Variants in RFWD3 observed in about 807,000 individuals in gnomAD.
RFWD3 encodes the protein ring finger and WD repeat domain 3, also known as E3 ubiquitin-protein ligase RFWD3.
RFWD3 carries 65 observed loss-of-function variants against 87.7 expected under a neutral mutation model. The observed-to-expected ratio is 0.74, with a 90% CI of 0.61 to 0.91. The LOEUF (loss-of-function observed/expected upper bound fraction) is 0.91. Ranked by LOEUF, RFWD3 falls within the 40% of genes least tolerant of loss-of-function variation. RFWD3 has a pLI of 0.00. For missense variants in RFWD3, 1,078 were observed against 938.5 expected (o/e 1.15, Z -1.94); for synonymous variants, 433 against 352.8 (o/e 1.23, Z -2.55).
Position 74,636,438 on chromosome 16 carries a change from G to GAT in RFWD3, c.1332_1333dup (p.Ser445TyrfsTer16). ...CATGATCCGGCAGTTTCCTGCCTGA[G>GAT]ATACTGTGAAGGTCTTTTGGAAGTG... On this transcript the variant is annotated frameshift_variant, in exon 8 of 13. Coordinates refer to ENST00000361070, the MANE Select transcript of RFWD3 (RefSeq NM_018124.4). LOFTEE classifies it high-confidence loss of function. The GAT allele has an allele frequency of 6.2e-7, 1 of 1,614,194 alleles. No individual in the cohort carries two copies. The highest frequency in any genetic ancestry group is 8.5e-7 in the Non-Finnish European group (1 of 1,180,026).
chr16:74,652,161 A>G (rs1960621685), intron 2 of RFWD3, 39 bp from the exon 3 acceptor site: 2 of 1,540,610 alleles, frequency 1.3e-6, no homozygotes, highest in Non-Finnish European at 1.8e-6. Flanking sequence ...TAGTACAATG[A>G]ACTATCATCA....
intron 3 of RFWD3, among the ~76,000 whole-genome samples, chr16:74,649,685 T>G (rs572288626): frequency 1.3e-5 from 2 of 152,204 alleles, no homozygotes; most frequent in African/African-American, 4.8e-5. Flanking sequence ...CCAGTTCATA[T>G]TCAAAATTTC....
intron 6 of RFWD3, among the ~76,000 whole-genome samples, chr16:74,643,051 C>T (rs1244443234): frequency 6.6e-6 from 1 of 152,152 alleles, no homozygotes; most frequent in Non-Finnish European, 1.5e-5. Context: ...TATTTAAAAA[C>T]GCTACAAGTG....
At chr16:74,655,216 T>A (rs1960871880) in intron 2 of RFWD3, among the ~76,000 whole-genome samples, 1 of 152,154 alleles carries the variant, frequency 6.6e-6, no homozygotes, top group African/African-American at 2.4e-5. Flanking sequence ...TAGGGGATAA[T>A]GCTGCTGGTG....
chr16:74,624,929 C>CA (rs1958880837), intron 12 of RFWD3, among the ~76,000 whole-genome samples: 1 of 152,142 alleles, frequency 6.6e-6, no homozygotes, highest in Non-Finnish European at 1.5e-5. Context: ...TTTGAGGCTA[C>CA]AGTGAACCAT....
At chr16:74,645,197 GT>G (rs907256870) in intron 4 of RFWD3, among the ~76,000 whole-genome samples, 32 of 152,310 alleles carry the variant, frequency 2.1e-4, no homozygotes, top group African/African-American at 6.7e-4. Flanking sequence ...ACCAAGCACT[GT>G]TGTGGGTAAA....
rs1382625845 is a variant in RFWD3 at position 74,628,614 on chromosome 16, G to C, written c.1807C>G (p.Pro603Ala). ...GTTCCAGCCAGCACCCCACCATATGGAAATGCAGCTGAGGCAGCTCTGGGC... is the reference window on the plus strand; with the variant it reads ...GTTCCAGCCAGCACCCCACCATATGCAAATGCAGCTGAGGCAGCTCTGGGC... ...YMPRAASAAFPYGGVLAGTLE... is the reference protein window; with the variant it reads ...YMPRAASAAFAYGGVLAGTLE... The change falls in exon 11 of 13, where the codon CCA becomes GCA. Residue 603 changes from proline to alanine, a missense_variant. Pro to Ala is a conservative substitution (Grantham distance 27). Transcript: ENST00000361070. The C allele has an allele frequency of 1.2e-6, 2 of 1,614,156 alleles. No individual in the cohort carries two copies. The highest frequency in any genetic ancestry group is 1.7e-6 in the Non-Finnish European group (2 of 1,180,028).
At chr16:74,650,633 C>T (rs1459382171) in intron 3 of RFWD3, among the ~76,000 whole-genome samples, 1 of 152,012 alleles carries the variant, frequency 6.6e-6, no homozygotes, top group Non-Finnish European at 1.5e-5. Flanking sequence ...AAAATGATGA[C>T]TTTTCTATCG....
intron 11 of RFWD3, among the ~76,000 whole-genome samples, chr16:74,628,026 C>A (rs781036910): frequency 1.3e-5 from 2 of 152,244 alleles, no homozygotes; most frequent in African/African-American, 4.8e-5. Flanking sequence ...TGGGCACACA[C>A]AGCCACTGTT....
chr16:74,643,953 AGGCGTGAGCCACCATGCCC>A (rs1309889324), intron 6 of RFWD3: 1 of 237,108 alleles, frequency 4.2e-6, no homozygotes, highest in East Asian at 9.4e-5. Flanking sequence ...CTGGGATTAC[AGGCGTGAGCCACCATGCCC>A]GGCCCTAGCA....
In RFWD3 at chr16:74,626,485, G is replaced by A; in HGVS notation, c.2039C>T (p.Pro680Leu). The change falls in exon 12 of 13, where the codon CCA becomes CTA. Residue 680 changes from proline (P) to leucine (L), a missense_variant. Coordinates refer to ENST00000361070, the MANE Select transcript of RFWD3 (RefSeq NM_018124.4). Reference sequence around the variant, plus strand: ...ATGTACAGGCTGGCAGGAGCAGATTGGATTTCCAGTGTCATCCAGTCGGTA... The same window carrying A: ...ATGTACAGGCTGGCAGGAGCAGATTAGATTTCCAGTGTCATCCAGTCGGTA... ...MSYRLDDTGN[P>L]ICSCQPVHTF... The A allele has an allele frequency of 6.2e-7, 1 of 1,614,126 alleles. No individual in the cohort carries two copies. The highest frequency in any genetic ancestry group is 1.1e-5 in the South Asian group (1 of 91,082).
intron 3 of RFWD3, among the ~76,000 whole-genome samples, chr16:74,649,965 T>A (rs983536681): frequency 1.2e-4 from 18 of 152,166 alleles, no homozygotes; most frequent in Non-Finnish European, 2.2e-4. Context: ...CATAACCCAA[T>A]TTAAAATATT....
chr16:74,652,877 T>C lies in RFWD3; in HGVS notation c.519-755A>G, dbSNP rs184773959. On this transcript the variant is annotated intron_variant, in intron 2 of 12. Transcript: ENST00000361070. Reference sequence around the variant, plus strand: ...TTTATATTTAGTAGAGACAGGGTCTTACAATGTTGGCCAAGCTGGTCTCCA... The same window carrying C: ...TTTATATTTAGTAGAGACAGGGTCTCACAATGTTGGCCAAGCTGGTCTCCA... 1.9e-3 allele frequency among the ~76,000 whole-genome samples: 282 copies of C among 152,268 alleles called. 1 individual carries two copies. Among genetic ancestry groups the C allele is most frequent in the African/African-American group, 6.5e-3 (272 of 41,556 alleles).
chr16:74,636,781 T>A (rs1050148235), intron 7 of RFWD3, among the ~76,000 whole-genome samples: 1 of 150,636 alleles, frequency 6.6e-6, no homozygotes, highest in African/African-American at 2.4e-5. Flanking sequence ...TGGGACCATG[T>A]TGGCTCACTG....
At chr16:74,629,935 G>A (rs1959039972) in intron 10 of RFWD3, among the ~76,000 whole-genome samples, 1 of 152,096 alleles carries the variant, frequency 6.6e-6, no homozygotes, top group Non-Finnish European at 1.5e-5. Context: ...CAGAACTTGG[G>A]CTCACTTTAT....
At chr16:74,631,968 A>C (rs1164790198) in intron 9 of RFWD3, among the ~76,000 whole-genome samples, 1 of 152,226 alleles carries the variant, frequency 6.6e-6, no homozygotes, top group Non-Finnish European at 1.5e-5. Context: ...TATACTTAAG[A>C]CATATTTTGT....
At position 74,622,010 on chromosome 16, in the gene RFWD3, T is replaced by TCCCCAGACCCTCAAC. The variant is rs2143975719; in HGVS notation, c.*1917_*1918insGTTGAGGGTCTGGGG. On this transcript the variant is annotated 3_prime_UTR_variant, in exon 13 of 13. Transcript: ENST00000361070. ...TACTAATGCAAGGACTGGTAAGACT[T>TCCCCAGACCCTCAAC]AAGATTCACATAACGTCCCTCATAG... 1 of 152,310 alleles carries TCCCCAGACCCTCAAC rather than the reference T, an allele frequency of 6.6e-6. No homozygotes were observed. The highest frequency in any genetic ancestry group is 2.4e-5 in the African/African-American group (1 of 41,560). 9.4% of individuals were successfully genotyped at this position (152,310 alleles called of 1,614,324 possible). A position where few individuals can be genotyped will look rare whatever the true frequency, so the allele number is the denominator to read the frequency against.
At chr16:74,644,100 G>A (rs1959909256) in intron 6 of RFWD3, 1 of 530,562 alleles carries the variant, frequency 1.9e-6, no homozygotes. Context: ...AGGGATATGA[G>A]AAGCAAAAAT....
Position 74,632,628 on chromosome 16 carries a change from T to C in RFWD3, c.1472A>G (p.Gln491Arg). The change falls in exon 9 of 13, where the codon CAG becomes CGG. Residue 491 changes from glutamine (Q) to arginine (R), a missense_variant. Coordinates refer to ENST00000361070, the MANE Select transcript of RFWD3 (RefSeq NM_018124.4). ...CTGTTTGCCATGCATCGGAATGTAC[T>C]GACTGCTCTTCATGTTGGCAGTACT... The part of the protein sequence containing the change: ...MLSTANMKSS[Q>R]YIPMHGKQIR... 6.2e-7 allele frequency: 1 copy of C among 1,614,154 alleles called. No individual in the cohort carries two copies. The highest frequency in any genetic ancestry group is 8.5e-7 in the Non-Finnish European group (1 of 1,180,004).
Sources: gnomAD v4.1 joint callset for allele counts (sites outside exome capture counted in the v4.1 genomes callset) on GRCh38, gnomAD v4.1.1 for gene constraint, MANE v1.5 for transcripts, NCBI Gene and HGNC (gene_info 2026-07-23, HGNC 2026-07-21) for gene names.